Variants in STK32C observed in about 807,000 individuals in gnomAD.
STK32C encodes serine/threonine kinase 32C, also known as serine/threonine-protein kinase 32C.
Under a neutral mutation model 56.5 loss-of-function variants are expected in STK32C, and 31 were observed. That is an observed-to-expected ratio of 0.55 (90% CI 0.41 to 0.74). STK32C has a LOEUF of 0.74. STK32C is among the 30% of genes least tolerant of loss of function. The pLI is 0.00. For missense variants in STK32C, 544 were observed against 676.9 expected (o/e 0.80, Z 2.18); for synonymous variants, 309 against 289.4 (o/e 1.07, Z -0.69).
intron 2 of STK32C, among the ~76,000 whole-genome samples, chr10:132,233,906 T>C (rs1396680133): frequency 6.6e-6 from 1 of 152,258 alleles, no homozygotes; most frequent in Non-Finnish European, 1.5e-5. Context: ...TGCTTCATGC[T>C]GGCTGGAGCC....
chr10:132,273,479 G>C (rs1236584410), intron 1 of STK32C, among the ~76,000 whole-genome samples: 1 of 150,788 alleles, frequency 6.6e-6, no homozygotes, highest in East Asian at 1.9e-4. Flanking sequence ...TGAATGGTGA[G>C]TGAGTGAACG....
chr10:132,214,846 C>T (rs1397652140), intron 10 of STK32C, among the ~76,000 whole-genome samples: 4 of 152,032 alleles, frequency 2.6e-5, no homozygotes, highest in Admixed American at 2.0e-4. Flanking sequence ...CCAGGCCAAC[C>T]ACTAAAAATA....
At chr10:132,267,603 GTGTATGCATGTTCAGCTCTATGCCTGTC>G (rs1452303362) in intron 1 of STK32C, among the ~76,000 whole-genome samples, 14 of 151,072 alleles carry the variant, frequency 9.3e-5, no homozygotes, top group Non-Finnish European at 1.9e-4. Flanking sequence ...GTGCATGCAT[GTGTATGCATGTTCAGCTCTATGCCTGTC>G]TGTGTGCATG....
chr10:132,307,639 C>T lies in STK32C; in HGVS notation c.195G>A (p.Lys65=), dbSNP rs1174982687. ...PRPLFQWSKW[K]KRMGSSMSAA... is the part of the protein sequence containing the mutation. ...CCGACATGGACGAGCCCATCCTCTT[C>T]TTCCACTTGCTCCACTGAAACAGGG... The change falls in exon 1 of 12, where the codon AAG becomes AAA. Residue 65 remains lysine (K), a synonymous_variant. Coordinates refer to ENST00000298630, the MANE Select transcript of STK32C (RefSeq NM_173575.4). This position sits in a 1 kb window ranked among gnomAD's most constrained non-coding sequence, Gnocchi z 4.4. The T allele has an allele frequency of 6.4e-7, 1 of 1,553,786 alleles. No homozygotes were observed. Among genetic ancestry groups the T allele is most frequent in the Non-Finnish European group, 8.7e-7 (1 of 1,153,570 alleles).
intron 1 of STK32C, among the ~76,000 whole-genome samples, chr10:132,270,453 G>A (rs557152685): frequency 6.6e-6 from 1 of 152,332 alleles, no homozygotes; most frequent in Admixed American, 6.5e-5. Context: ...GCTGGAATTG[G>A]CGAGAGCAAA....
intron 1 of STK32C, among the ~76,000 whole-genome samples, chr10:132,248,855 G>A (rs546912889): frequency 1.3e-5 from 2 of 152,134 alleles, no homozygotes; most frequent in East Asian, 1.9e-4. Flanking sequence ...TCTGGCCCCC[G>A]AGCTGTGAAC....
intron 1 of STK32C, among the ~76,000 whole-genome samples, chr10:132,266,625 C>A (rs568181868): frequency 1.3e-5 from 2 of 152,052 alleles, no homozygotes; most frequent in Non-Finnish European, 2.9e-5. Flanking sequence ...GCCAAGGAGC[C>A]CTCAATTTGT....
At chr10:132,236,420 G>A (rs2063296942) in intron 2 of STK32C, among the ~76,000 whole-genome samples, 1 of 152,228 alleles carries the variant, frequency 6.6e-6, no homozygotes, top group African/African-American at 2.4e-5. Context: ...CTGAGGCTGG[G>A]TGGCAGGTGG....
At chr10:132,222,086 A>C (rs2137663580) in intron 10 of STK32C, among the ~76,000 whole-genome samples, 1 of 136,282 alleles carries the variant, frequency 7.3e-6, no homozygotes, top group African/African-American at 2.8e-5. Flanking sequence ...GGCGAGTGTG[A>C]GGGCTTCACA....
chr10:132,319,638 G>C (rs1018559517), downstream of STK32C, among the ~76,000 whole-genome samples: 2 of 152,236 alleles, frequency 1.3e-5, no homozygotes, highest in Non-Finnish European at 1.5e-5. Context: ...CAAATGTGTA[G>C]AGTCAGTGCT....
intron 10 of STK32C, 25 bp downstream of exon 10, chr10:132,222,616 G>T: frequency 6.2e-7 from 1 of 1,609,410 alleles, no homozygotes. Flanking sequence ...CCGCCGCCGC[G>T]CCCTGAGCCT....
At chr10:132,292,394 A>C (rs1244427829) in intron 1 of STK32C, among the ~76,000 whole-genome samples, 1 of 152,160 alleles carries the variant, frequency 6.6e-6, no homozygotes, top group East Asian at 1.9e-4. Context: ...ATTGATACCC[A>C]CACTCTCTCA....
intron 1 of STK32C, among the ~76,000 whole-genome samples, chr10:132,249,315 T>C (rs948706050): frequency 6.6e-6 from 1 of 152,012 alleles, no homozygotes; most frequent in Non-Finnish European, 1.5e-5. Flanking sequence ...CCCTGCTTCC[T>C]AAGACTGACA....
Position 132,228,189 on chromosome 10 carries a change from C to A in STK32C, c.319-61G>T, listed in dbSNP as rs760482523. On this transcript the variant is annotated intron_variant, in intron 2 of 11. Coordinates refer to ENST00000298630, the MANE Select transcript of STK32C (RefSeq NM_173575.4). ...GGACGCCTGGGGACACGTGGGGACA[C>A]CTGGAAATGCATGGGGATGCCTGGG... 6 of 1,610,142 alleles carry A rather than the reference C, an allele frequency of 3.7e-6. No homozygotes were observed. In the South Asian group the frequency reaches 5.5e-5, roughly 15 times the overall value.
chr10:132,209,336 G>A (rs906720940), intron 10 of STK32C: 16 of 709,872 alleles, frequency 2.3e-5, no homozygotes, highest in Non-Finnish European at 3.6e-5. Flanking sequence ...TTGCCTCTGG[G>A]TGGATGGCTT....
chr10:132,227,340 C>A (rs1041615591), intron 3 of STK32C, among the ~76,000 whole-genome samples: 1 of 152,168 alleles, frequency 6.6e-6, no homozygotes, highest in Non-Finnish European at 1.5e-5. Flanking sequence ...AAAATGAGGC[C>A]GTGTAGGTAC....
At chr10:132,215,672 G>A (rs936673833) in intron 10 of STK32C, among the ~76,000 whole-genome samples, 1 of 152,162 alleles carries the variant, frequency 6.6e-6, no homozygotes, top group Non-Finnish European at 1.5e-5. Context: ...AGCAGCGTGA[G>A]AACAGACTAA....
At chr10:132,322,888 G>T (rs566931582), downstream of STK32C, among the ~76,000 whole-genome samples, 21 of 152,268 alleles carry the variant, frequency 1.4e-4, no homozygotes, top group African/African-American at 4.6e-4. Flanking sequence ...GACCAGTTTG[G>T]TTCGTGCGTC....
intron 1 of STK32C, among the ~76,000 whole-genome samples, chr10:132,330,859 C>G (rs1006671548): frequency 6.6e-6 from 1 of 151,514 alleles, no homozygotes; most frequent in Non-Finnish European, 1.5e-5. Context: ...AACGTAAATC[C>G]CCTCAAAGTG....
Sources: gnomAD v4.1 joint callset for allele counts (sites outside exome capture counted in the v4.1 genomes callset) on GRCh38, gnomAD v4.1.1 for gene constraint, Gnocchi (gnomAD v3.1) non-coding constraint, MANE v1.5 for transcripts, NCBI Gene and HGNC (gene_info 2026-07-23, HGNC 2026-07-21) for gene names.